CDK5RAP2: variants seen among roughly 807,000 people sequenced by gnomAD.
The protein encoded by CDK5RAP2 is CDK5 regulatory subunit associated protein 2.
In CDK5RAP2, 147 loss-of-function variants were observed where a neutral mutation model predicts 232.9. The ratio of observed to expected loss-of-function variants is 0.63; its 90% CI spans 0.55 to 0.72. The LOEUF (loss-of-function observed/expected upper bound fraction) is 0.72, where lower values mean the gene tolerates loss of function less well. Among genes scored for constraint, CDK5RAP2 ranks in the 30% least tolerant of loss-of-function variants. CDK5RAP2 has a pLI of 0.00. For synonymous variants in CDK5RAP2, 833 were observed against 833.7 expected (o/e 1.00, Z 0.01); for missense variants, 2,195 against 2,231.5 (o/e 0.98, Z 0.33).
chr9:120,422,405 G>A (rs1431562049), intron 26 of CDK5RAP2, among the ~76,000 whole-genome samples: 2 of 152,224 alleles, frequency 1.3e-5, no homozygotes, highest in Non-Finnish European at 2.9e-5. Flanking sequence ...GGAGTCTGGA[G>A]TTTATCTTGC....
intron 14 of CDK5RAP2, among the ~76,000 whole-genome samples, chr9:120,486,665 T>C (rs1032989014): frequency 6.6e-6 from 1 of 151,860 alleles, no homozygotes; most frequent in African/African-American, 2.4e-5. Flanking sequence ...AGTGCCATGA[T>C]AGAGGGGTGT....
chr9:120,566,401 G>C (rs1450935371), intron 3 of CDK5RAP2, among the ~76,000 whole-genome samples: 1 of 152,050 alleles, frequency 6.6e-6, no homozygotes, highest in African/African-American at 2.4e-5. Context: ...CAGTCATAAA[G>C]AAAAAAACAT....
intron 6 of CDK5RAP2, among the ~76,000 whole-genome samples, chr9:120,538,084 T>G (rs573853550): frequency 6.6e-6 from 1 of 152,326 alleles, no homozygotes; most frequent in Admixed American, 6.5e-5. Context: ...AGAACCTTCA[T>G]GTGGTTCTAG....
At chr9:120,506,398 G>T (rs922665693) in intron 12 of CDK5RAP2, among the ~76,000 whole-genome samples, 2 of 152,220 alleles carry the variant, frequency 1.3e-5, no homozygotes. Context: ...ACAAGAAGAT[G>T]AATGTTGTTT....
chr9:120,560,412 G>A (rs1255503685), intron 3 of CDK5RAP2, among the ~76,000 whole-genome samples: 1 of 152,176 alleles, frequency 6.6e-6, no homozygotes, highest in Non-Finnish European at 1.5e-5. Flanking sequence ...CACCCATACT[G>A]CTGTCTCAAG....
intron 13 of CDK5RAP2, among the ~76,000 whole-genome samples, chr9:120,489,958 C>T (rs898383131): frequency 6.6e-6 from 1 of 152,134 alleles, no homozygotes; most frequent in Admixed American, 6.5e-5. Context: ...CAGGCATGCA[C>T]CACCACACCT....
At chr9:120,482,196 T>A (rs1033948594) in intron 14 of CDK5RAP2, among the ~76,000 whole-genome samples, 3 of 152,190 alleles carry the variant, frequency 2.0e-5, no homozygotes, top group Admixed American at 6.5e-5. Flanking sequence ...GGATTTCTGA[T>A]GGATGGCACA....
chr9:120,496,668 C>T, intron 12 of CDK5RAP2, among the ~76,000 whole-genome samples: 1 of 141,170 alleles, frequency 7.1e-6, no homozygotes, highest in Admixed American at 6.8e-5. Flanking sequence ...CGGCCAGCCG[C>T]CCCGTCCGGG....
At chr9:120,519,194 A>G (rs577180132) in intron 11 of CDK5RAP2, among the ~76,000 whole-genome samples, 1 of 152,038 alleles carries the variant, frequency 6.6e-6, no homozygotes, top group African/African-American at 2.4e-5. Context: ...AAAGAAAAAA[A>G]GAAAAAAGAA....
At chr9:120,505,385 C>T (rs2039764143) in intron 12 of CDK5RAP2, among the ~76,000 whole-genome samples, 1 of 152,132 alleles carries the variant, frequency 6.6e-6, no homozygotes, top group Non-Finnish European at 1.5e-5. Context: ...CTGGCCATTC[C>T]CTGTCTCCTT....
chr9:120,407,314 C>T lies in CDK5RAP2; in HGVS notation c.4727-66G>A, dbSNP rs2033523896. 3 of 1,226,996 alleles carry T rather than the reference C, an allele frequency of 2.4e-6. No individual in the cohort carries two copies. The South Asian group carries it at 3.6e-5, about 15-fold the overall frequency. The allele number at this position is 1,226,996 out of a possible 1,614,324, so 76.0% of individuals were successfully genotyped here. On this transcript the variant is annotated intron_variant, in intron 31 of 37. Coordinates refer to ENST00000349780, the MANE Select transcript of CDK5RAP2 (RefSeq NM_018249.6). The stretch of plus-strand genomic sequence containing the variant: ...ACCAAAGGGTCAGCCATCGAAGGAA[C>T]TCAATCGCATTTTACACTCACCACC...
intron 20 of CDK5RAP2, among the ~76,000 whole-genome samples, chr9:120,456,520 T>C (rs1008621791): frequency 1.3e-5 from 2 of 152,176 alleles, no homozygotes; most frequent in African/African-American, 4.8e-5. Flanking sequence ...TCCATTTAAA[T>C]AGCTATAGCA....
intron 28 of CDK5RAP2, among the ~76,000 whole-genome samples, chr9:120,413,780 G>T (rs911974041): frequency 2.1e-5 from 3 of 144,148 alleles, no homozygotes; most frequent in Non-Finnish European, 4.6e-5. Flanking sequence ...GGTGAGGGGG[G>T]TATATGCAGG....
chr9:120,515,935 A>G (rs564789664), intron 12 of CDK5RAP2, among the ~76,000 whole-genome samples: 1 of 152,340 alleles, frequency 6.6e-6, no homozygotes, highest in Non-Finnish European at 1.5e-5. Context: ...AAACTAGTTC[A>G]ACCATTGTGG....
At chr9:120,451,564 C>T (rs1259549309) in intron 21 of CDK5RAP2, among the ~76,000 whole-genome samples, 3 of 152,136 alleles carry the variant, frequency 2.0e-5, no homozygotes, top group Non-Finnish European at 4.4e-5. Context: ...TTATCAACTC[C>T]TTAACTACCA....
Position 120,567,833 on chromosome 9 carries a change from C to A in CDK5RAP2, c.195+488G>T, listed in dbSNP as rs994695664. 2.0e-5 allele frequency among the ~76,000 whole-genome samples: 3 copies of A among 152,208 alleles called. No homozygotes were observed. The South Asian group carries it at 6.2e-4, about 32-fold the overall frequency. The stretch of plus-strand genomic sequence containing the variant: ...ACCTGGATTCAAATCCCAACTCTGA[C>A]ACTTATGTATTATATGACCATAAAC... On this transcript the variant is annotated intron_variant, in intron 3 of 37. Transcript: ENST00000349780.
chr9:120,489,056 C>A (rs959154941), intron 13 of CDK5RAP2, among the ~76,000 whole-genome samples: 3 of 152,364 alleles, frequency 2.0e-5, no homozygotes, highest in African/African-American at 7.2e-5. Flanking sequence ...TGACTGTAGG[C>A]ACCAAATGTC....
rs996662703 is a variant in CDK5RAP2, at chr9:120,422,732, A to T, written c.3965T>A (p.Val1322Asp). Reference protein sequence around the residue: ...LEKLFLNGKSVGVEMNTQNEL... With the variant: ...LEKLFLNGKSDGVEMNTQNEL... ...ATTCTGGGTGTTCATTTCCACTCCA[A>T]CTGATTTTCCTGGAAGCAGAAATAA... is the stretch of plus-strand genomic sequence containing the variant. The change falls in exon 26 of 38, where the codon GTT becomes GAT. Residue 1322 changes from valine (V) to aspartate (D), a missense_variant. Physicochemically the swap from Val to Asp is radical, Grantham distance 152 (BLOSUM62 -3). Transcript: ENST00000349780. 2.5e-6 allele frequency: 4 copies of T among 1,612,696 alleles called. No homozygotes were observed. In the African/African-American group the frequency reaches 5.3e-5, roughly 22 times the overall value.
intron 12 of CDK5RAP2, among the ~76,000 whole-genome samples, chr9:120,504,681 T>C (rs188460531): frequency 3.8e-3 from 575 of 152,322 alleles, no homozygotes; most frequent in Non-Finnish European, 5.5e-3. Flanking sequence ...AGAATGAAGC[T>C]ACCCTACGAG....
Sources: gnomAD v4.1 joint callset for allele counts (sites outside exome capture counted in the v4.1 genomes callset) on GRCh38, gnomAD v4.1.1 for gene constraint, MANE v1.5 for transcripts, NCBI Gene and HGNC (gene_info 2026-07-23, HGNC 2026-07-21) for gene names.